DNHD1: variants seen among roughly 807,000 people sequenced by gnomAD.
The protein encoded by DNHD1 is dynein heavy chain domain-containing protein 1.
In DNHD1, 383 loss-of-function variants were observed where a neutral mutation model predicts 458.1. The ratio of observed to expected loss-of-function variants is 0.84; its 90% confidence interval spans 0.77 to 0.91. The LOEUF (loss-of-function observed/expected upper bound fraction) is 0.91, where lower values mean the gene tolerates loss of function less well. DNHD1 is among the 40% of genes least tolerant of loss of function. DNHD1 has a pLI of 0.00. For missense variants in DNHD1, 5,336 were observed against 5,866.1 expected (o/e 0.91, Z 2.95); for synonymous variants, 2,203 against 2,376.9 (o/e 0.93, Z 2.13).
chr11:6,520,024 G>A lies in DNHD1; in HGVS notation c.1707G>A (p.Leu569=). Residue 569 remains leucine (L), a synonymous_variant, in exon 9 of 43, where the codon CTG becomes CTA. Transcript: ENST00000254579. ...TGGTCTTTGATGATCATGGTCAACT[G>A]TCTCATGTGCCCTGTGTTGAAAATA... ...SQLVFDDHGQ[L]SHVPCVENMI... 3 of 1,614,188 alleles carry A rather than the reference G, an allele frequency of 1.9e-6. No homozygotes were observed. The highest frequency in any genetic ancestry group is 2.5e-6 in the Non-Finnish European group (3 of 1,180,036).
chr11:6,502,994 C>T, intron 4 of DNHD1, 68 bp downstream of exon 4: 2 of 1,564,808 alleles, frequency 1.3e-6, no homozygotes, highest in East Asian at 2.3e-5. Context: ...TCTTCCCCCT[C>T]CTCTTTCTCC....
At chr11:6,536,812 A>G in intron 14 of DNHD1, among the ~76,000 whole-genome samples, 1 of 152,208 alleles carries the variant, frequency 6.6e-6, no homozygotes, top group Non-Finnish European at 1.5e-5. Context: ...TTTCTTACAG[A>G]TGAAGTTGTT....
rs1853857954 is a variant in DNHD1 at position 6,571,784 on chromosome 11, G to A, written c.14060G>A (p.Ser4687Asn). 6.2e-7 allele frequency: 1 copy of A among 1,613,958 alleles called. No homozygotes were observed. Among genetic ancestry groups the A allele is most frequent in the Non-Finnish European group, 8.5e-7 (1 of 1,179,882 alleles). ...AGCCCTCTGCCTCCCGTCAGCATCA[G>A]CACACAGGCCCCGGGCACCAGTGAC... The part of the protein sequence containing the change: ...QPSPLPPVSI[S>N]TQAPGTSDLP... The change falls in exon 43 of 43, where the codon AGC becomes AAC. Residue 4687 changes from serine to asparagine, a missense_variant. Coordinates refer to ENST00000254579, the MANE Select transcript of DNHD1 (RefSeq NM_144666.3). The surrounding 1 kb of genome is among the most constrained non-coding windows in gnomAD (Gnocchi z 5.0).
Position 6,534,171 on chromosome 11 carries a change from C to A in DNHD1, c.2996C>A (p.Thr999Asn). The A allele has an allele frequency of 6.4e-7, 1 of 1,550,726 alleles. No homozygotes were observed. Among genetic ancestry groups the A allele is most frequent in the South Asian group, 1.2e-5 (1 of 84,006 alleles). ...CTGCACCACGCCTATGCCATCTTCA[C>A]TGGTACTGAGGATCCCTGCACCCTC... ...SELHHAYAIF[T>N]EDETPVPLPI... Residue 999 changes from threonine (T) to asparagine (N), a missense_variant and splice_region_variant, in exon 14 of 43, where the codon ACT becomes AAT. By Grantham distance (65) the Thr-to-Asn change is moderately conservative (BLOSUM62 0). Transcript: ENST00000254579.
chr11:6,552,603 G>A (rs995267034), intron 24 of DNHD1, among the ~76,000 whole-genome samples: 13 of 151,740 alleles, frequency 8.6e-5, no homozygotes, highest in Non-Finnish European at 1.0e-4. Flanking sequence ...ACTTAAAGTC[G>A]TGGCAAAAGG....
At position 6,568,170 on chromosome 11, in the gene DNHD1, A is replaced by T; in HGVS notation, c.12466A>T (p.Asn4156Tyr). ...TGAGGGGCACTGGCTGGTGCTGGAC[A>T]ACTGTCATCTGATGCCCCATTGGCC... ...MYEGHWLVLD[N>Y]CHLMPHWPKE... Residue 4156 changes from asparagine (N) to tyrosine (Y), a missense_variant, in exon 37 of 43, where the codon AAC (asparagine) becomes TAC (tyrosine). Physicochemically the swap from Asn to Tyr is moderately radical, Grantham distance 143. Transcript: ENST00000254579. The T allele has an allele frequency of 6.4e-7, 1 of 1,554,072 alleles. No individual in the cohort carries two copies. Among genetic ancestry groups the T allele is most frequent in the Non-Finnish European group, 8.7e-7 (1 of 1,148,228 alleles).
rs756676653 is a variant in DNHD1, at chr11:6,545,834, C to T, written c.4895C>T (p.Ser1632Phe). Residue 1632 changes from serine to phenylalanine, a missense_variant, in exon 21 of 43, where the codon TCT (serine) becomes TTT (phenylalanine). This residue lies in a region of DNHD1 where 3,932 missense variants were observed against 4,365.6 expected (regional missense o/e 0.90). Coordinates refer to ENST00000254579, the MANE Select transcript of DNHD1 (RefSeq NM_144666.3). The surrounding 1 kb of genome is among the most constrained non-coding windows in gnomAD (Gnocchi z 4.9). ...AAGACTATTGCATCTTCTGAACCCT[C>T]TCTGTCACCAGCGGCATGCTGGATA... Reference protein sequence around the residue: ...SLKTIASSEPSLSPAACWIDV... With the variant: ...SLKTIASSEPFLSPAACWIDV... 2 of 1,551,912 alleles carry T rather than the reference C, an allele frequency of 1.3e-6. No homozygotes were observed. Among genetic ancestry groups the T allele is most frequent in the Non-Finnish European group, 1.7e-6 (2 of 1,147,016 alleles).
At chr11:6,568,612 G>T in intron 38 of DNHD1, 36 bp downstream of exon 38, 1 of 1,613,884 alleles carries the variant, frequency 6.2e-7, no homozygotes, top group Non-Finnish European at 8.5e-7. Flanking sequence ...TCTCAAATTG[G>T]AAGTGGGAGG....
intron 4 of DNHD1, among the ~76,000 whole-genome samples, chr11:6,507,214 TTAAC>T (rs1370907525): frequency 6.6e-6 from 1 of 152,196 alleles, no homozygotes; most frequent in African/African-American, 2.4e-5. Flanking sequence ...GATAAACGGT[TTAAC>T]TAAGTTCCAT....
rs1311534552 is a variant in DNHD1, at chr11:6,508,941, C to T, written c.982C>T (p.Pro328Ser). ...KVNPEHYIFS[P>S]FGILHVHPVE... ...GAATCCCGAGCACTACATCTTCTCTCCCTTTGGGATCTTGCATGTACATCC... is the reference window on the plus strand; with the variant it reads ...GAATCCCGAGCACTACATCTTCTCTTCCTTTGGGATCTTGCATGTACATCC... Residue 328 changes from proline (P) to serine (S), a missense_variant, in exon 5 of 43, where the codon CCC becomes TCC. Pro to Ser is a moderately conservative substitution (Grantham distance 74). Coordinates refer to ENST00000254579, the MANE Select transcript of DNHD1 (RefSeq NM_144666.3). 4 of 1,614,056 alleles carry T rather than the reference C, an allele frequency of 2.5e-6. No individual in the cohort carries two copies. The highest frequency in any genetic ancestry group is 3.4e-6 in the Non-Finnish European group (4 of 1,180,038).
intron 3 of DNHD1, among the ~76,000 whole-genome samples, chr11:6,500,993 A>G (rs1317849716): frequency 6.6e-6 from 1 of 151,702 alleles, no homozygotes; most frequent in African/African-American, 2.4e-5. Flanking sequence ...GGGGGAAAGC[A>G]TGTGGGGGGA....
chr11:6,509,316 G>A (rs993853841), intron 6 of DNHD1, 44 bp downstream of exon 6: 3 of 1,528,880 alleles, frequency 2.0e-6, no homozygotes, highest in Admixed American at 2.0e-5. Flanking sequence ...TTAAAAATTA[G>A]TTTTACTAAA....
rs757992761 is a variant in DNHD1, at chr11:6,498,288, T to C, written c.73T>C (p.Ser25Pro). ...TSSDSLKSWHSICVLDSKEQP... is the reference protein window; with the variant it reads ...TSSDSLKSWHPICVLDSKEQP... ...ATCTGATTCCCTTAAGTCTTGGCAC[T>C]CCATATGTGTCTTGGACAGCAAAGA... Residue 25 changes from serine (S) to proline (P), a missense_variant, in exon 3 of 43, where the codon TCC becomes CCC. Around this residue, in one of 4 missense-constraint regions of DNHD1, gnomAD observed 3,932 missense variants for 4,365.6 expected, o/e 0.90. Coordinates refer to ENST00000254579, the MANE Select transcript of DNHD1 (RefSeq NM_144666.3). The C allele has an allele frequency of 3.7e-6, 6 of 1,614,174 alleles. No individual in the cohort carries two copies. In the Admixed American group the frequency reaches 8.3e-5, roughly 22 times the overall value.
In DNHD1 at chr11:6,559,386, A is replaced by G. The variant is rs920047926; in HGVS notation, c.9519+103A>G. ...ATGAACCTTAATTCTTGTCCCCCTA[A>G]GCTTCCCCTTTCCCTAGGAAATCTC... is the stretch of plus-strand genomic sequence containing the variant. On this transcript the variant is annotated intron_variant, in intron 28 of 42. Coordinates refer to ENST00000254579, the MANE Select transcript of DNHD1 (RefSeq NM_144666.3). 3.1e-6 allele frequency: 3 copies of G among 975,290 alleles called. No homozygotes were observed. In the African/African-American group the frequency reaches 4.9e-5, roughly 16 times the overall value. The allele number at this position is 975,290 out of a possible 1,614,324, so 60.4% of individuals were successfully genotyped here.
Position 6,546,588 on chromosome 11 carries a change from C to T in DNHD1, c.5649C>T (p.Asp1883=). Reference sequence around the variant, plus strand: ...CACTGCTCAAGCAGATACTGGAAGACACAATACGGACACTAAATGTGACCA... The same window carrying T: ...CACTGCTCAAGCAGATACTGGAAGATACAATACGGACACTAAATGTGACCA... ...RLPLLKQILE[D]TIRTLNVTKE... The change falls in exon 21 of 43, where the codon GAC becomes GAT. Residue 1883 remains aspartate, a synonymous_variant. Transcript: ENST00000254579. 2.6e-6 allele frequency: 4 copies of T among 1,551,842 alleles called. No individual in the cohort carries two copies. The highest frequency in any genetic ancestry group is 3.5e-6 in the Non-Finnish European group (4 of 1,147,030).
intron 33 of DNHD1, 104 bp downstream of exon 33, chr11:6,566,095 T>C: frequency 7.0e-7 from 1 of 1,431,752 alleles, no homozygotes; most frequent in Non-Finnish European, 9.3e-7. Flanking sequence ...CCATCCTTCA[T>C]CCCAGGCACT....
chr11:6,515,582 G>C (rs1328111918), intron 7 of DNHD1, among the ~76,000 whole-genome samples: 2 of 151,646 alleles, frequency 1.3e-5, no homozygotes, highest in Admixed American at 1.3e-4. Context: ...CTGAGATCTT[G>C]CTGGGTACTT....
At chr11:6,509,140 A>G (rs1852286588) in intron 5 of DNHD1, 22 bp from the exon 6 acceptor site, 5 of 1,614,126 alleles carry the variant, frequency 3.1e-6, no homozygotes, top group Non-Finnish European at 4.2e-6. Context: ...ACAGTATATT[A>G]TCACTGACCT....
In DNHD1 at chr11:6,533,720, C is replaced by T. The variant is rs1003840565; in HGVS notation, c.2545C>T (p.Arg849Ter). ...ANEQYVELEE[R>*]MEYVRALHEL... Reference sequence around the variant, plus strand: ...TGAACAGTACGTCGAGCTGGAGGAGCGAATGGAATACGTACGGGCACTCCA... The same window carrying T: ...TGAACAGTACGTCGAGCTGGAGGAGTGAATGGAATACGTACGGGCACTCCA... The change falls in exon 14 of 43, where the codon CGA (arginine) becomes TGA (stop). Residue 849 changes from arginine to a stop codon, truncating the protein, a stop_gained. Transcript: ENST00000254579. LOFTEE classifies it high-confidence loss of function. The T allele has an allele frequency of 1.0e-5, 16 of 1,551,012 alleles. No homozygotes were observed. Among genetic ancestry groups the T allele is most frequent in the South Asian group, 6.0e-5 (5 of 84,024 alleles).
Sources: gnomAD v4.1 joint callset for allele counts (sites outside exome capture counted in the v4.1 genomes callset) on GRCh38, gnomAD v4.1.1 for gene constraint, gnomAD v4.1.1 regional missense constraint, Gnocchi (gnomAD v3.1) non-coding constraint, MANE v1.5 for transcripts, NCBI Gene and HGNC (gene_info 2026-07-23, HGNC 2026-07-21) for gene names.